MCCC2: variants seen among roughly 807,000 people sequenced by gnomAD.
MCCC2 encodes the protein methylcrotonoyl-CoA carboxylase beta chain, mitochondrial.
In MCCC2, 52 loss-of-function variants were observed where a neutral mutation model predicts 77.2. The observed-to-expected ratio is 0.67, with a 90% CI of 0.54 to 0.85. MCCC2 has a LOEUF of 0.85. Among genes scored for constraint, MCCC2 ranks in the 40% least tolerant of loss-of-function variants. The pLI, the probability that MCCC2 is intolerant of heterozygous loss-of-function variation, is 0.00. For missense variants in MCCC2, 682 were observed against 703.2 expected, an observed-to-expected ratio of 0.97 and a Z score of 0.34; for synonymous variants, 253 against 248.4, an observed-to-expected ratio of 1.02 and a Z score of -0.18.
chr5:71,606,044 C>A (rs888641352), intron 6 of MCCC2, among the ~76,000 whole-genome samples: 3 of 152,180 alleles, frequency 2.0e-5, no homozygotes, highest in African/African-American at 7.2e-5. Flanking sequence ...CTTAGGATTG[C>A]CTTGGCGATG....
chr5:71,592,733 A>G (rs1186222487), intron 1 of MCCC2, 193 bp from the exon 2 acceptor site: 3 of 631,672 alleles, frequency 4.7e-6, no homozygotes, highest in Admixed American at 5.6e-5. Context: ...AGCTTGAACA[A>G]GACAGGCAGG....
intron 6 of MCCC2, among the ~76,000 whole-genome samples, chr5:71,617,550 A>G (rs1185536724): frequency 6.6e-6 from 1 of 152,184 alleles, no homozygotes; most frequent in Non-Finnish European, 1.5e-5. Context: ...TTGTAATATG[A>G]TAGATATTGA....
intron 6 of MCCC2, among the ~76,000 whole-genome samples, chr5:71,618,495 TC>T (rs1396460819): frequency 2.9e-4 from 4 of 13,862 alleles, no homozygotes; most frequent in African/African-American, 7.6e-4. Flanking sequence ...CCTTCTTCCT[TC>T]CTTCCTTCCT....
intron 7 of MCCC2, among the ~76,000 whole-genome samples, chr5:71,629,589 A>G (rs1386854637): frequency 1.3e-5 from 2 of 152,202 alleles, no homozygotes; most frequent in South Asian, 4.1e-4. Flanking sequence ...AATATGTTAA[A>G]TAGAGCTTAT....
At chr5:71,613,517 T>A (rs887616084) in intron 6 of MCCC2, among the ~76,000 whole-genome samples, 2 of 152,186 alleles carry the variant, frequency 1.3e-5, no homozygotes, top group Non-Finnish European at 2.9e-5. Context: ...ATATTAGGGC[T>A]GGGCGTGGTG....
At chr5:71,587,904 C>T (rs1215261229) in intron 1 of MCCC2, among the ~76,000 whole-genome samples, 3 of 152,074 alleles carry the variant, frequency 2.0e-5, no homozygotes, top group African/African-American at 7.2e-5. Flanking sequence ...CTTTTGGCAG[C>T]CAGCTTTGGG....
At chr5:71,653,071 G>A (rs1006879163) in intron 16 of MCCC2, among the ~76,000 whole-genome samples, 16 of 152,198 alleles carry the variant, frequency 1.1e-4, no homozygotes, top group African/African-American at 3.4e-4. Context: ...GTTAGGAGCC[G>A]AGAATAAGTT....
intron 3 of MCCC2, among the ~76,000 whole-genome samples, chr5:71,598,076 T>C (rs1036558841): frequency 3.1e-4 from 46 of 148,690 alleles, no homozygotes; most frequent in Middle Eastern, 3.5e-3. Flanking sequence ...TGTTTCTTTT[T>C]TTTTTTTTTT....
chr5:71,650,035 C>A, intron 14 of MCCC2, 34 bp from the exon 15 acceptor site: 1 of 1,537,202 alleles, frequency 6.5e-7, no homozygotes, highest in Non-Finnish European at 9.0e-7. Context: ...TGTATATTGA[C>A]TTAATTTGTT....
At position 71,658,275 on chromosome 5, in the gene MCCC2, G is replaced by A. The variant is rs1747635991; in HGVS notation, c.*1415G>A. Reference sequence around the variant, plus strand: ...AACCTTCCCACCTTAGGGTCTATAAGGTTCCCTCTGCCCAAATTGTTCTAC... The same window carrying A: ...AACCTTCCCACCTTAGGGTCTATAAAGTTCCCTCTGCCCAAATTGTTCTAC... On this transcript the variant is annotated 3_prime_UTR_variant, in exon 17 of 17. Transcript: ENST00000340941. The A allele has an allele frequency of 6.6e-6, 1 of 152,108 alleles. No homozygotes were observed. Among genetic ancestry groups the A allele is most frequent in the Non-Finnish European group, 1.5e-5 (1 of 68,036 alleles). 9.4% of individuals were successfully genotyped at this position (152,108 alleles called of 1,614,324 possible).
chr5:71,640,893 A>G, intron 10 of MCCC2, 110 bp from the exon 11 acceptor site: 1 of 918,346 alleles, frequency 1.1e-6, no homozygotes, highest in Admixed American at 1.9e-5. Context: ...GTAGTGTGAA[A>G]TTTTGTGAAA....
chr5:71,647,677 T>G lies in MCCC2; in HGVS notation c.1216+1400T>G, dbSNP rs570033498. Among the ~76,000 whole-genome samples the G allele has an allele frequency of 2.6e-5, 4 of 152,282 alleles. No homozygotes were observed. The South Asian group carries it at 8.3e-4, about 32-fold the overall frequency. ...ACAGGAGAGGTGTTTTAGGTAGAGA[T>G]GCAAATGTAGACATCATCAGAATAT... On this transcript the variant is annotated intron_variant, in intron 13 of 16. Transcript: ENST00000340941.
At chr5:71,604,649 T>A (rs1745595378) in intron 6 of MCCC2, among the ~76,000 whole-genome samples, 181 bp downstream of exon 6, 1 of 152,028 alleles carries the variant, frequency 6.6e-6, no homozygotes, top group Admixed American at 6.6e-5. Flanking sequence ...GTTACATACG[T>A]ACACATGTGC....
At chr5:71,642,954 G>C (rs277938) in intron 11 of MCCC2, among the ~76,000 whole-genome samples, 51,121 of 147,612 alleles carry the variant, frequency 0.35, 10,828 homozygotes, top group Non-Finnish European at 0.46. Context: ...AGTGAGCCAT[G>C]ATCTCGCCAT....
At chr5:71,623,999 G>A (rs115962876) in intron 6 of MCCC2, among the ~76,000 whole-genome samples, 231 of 152,320 alleles carry the variant, frequency 1.5e-3, no homozygotes, top group African/African-American at 5.3e-3. Context: ...ATAGACTACT[G>A]GGTGTCTTAA....
At chr5:71,644,064 TGTGTGTGC>T (rs951883762) in intron 12 of MCCC2, among the ~76,000 whole-genome samples, 169 bp downstream of exon 12, 38 of 139,764 alleles carry the variant, frequency 2.7e-4, no homozygotes, top group South Asian at 1.1e-3. Flanking sequence ...TGTGTGTGTG[TGTGTGTGC>T]GCGCGTGTGT....
At position 71,650,209 on chromosome 5, in the gene MCCC2, C is replaced by G. The variant is rs772450631; in HGVS notation, c.1488+26C>G. On this transcript the variant is annotated intron_variant, in intron 15 of 16. Transcript: ENST00000340941. ...GTCGGTGTCGTTTTCTCTTGTTTCT[C>G]TCTGGTTTTGCCTCTCACCATAAAC... 7.5e-6 allele frequency: 12 copies of G among 1,603,138 alleles called. No homozygotes were observed. In the South Asian group the frequency reaches 9.9e-5, roughly 13 times the overall value.
At chr5:71,588,675 A>G (rs467160) in intron 1 of MCCC2, among the ~76,000 whole-genome samples, 1 of 151,984 alleles carries the variant, frequency 6.6e-6, no homozygotes, top group South Asian at 2.1e-4. Flanking sequence ...ACCGATAGGA[A>G]GTAATGGGTG....
intron 3 of MCCC2, among the ~76,000 whole-genome samples, chr5:71,596,791 T>A (rs1428550887): frequency 6.6e-6 from 1 of 151,902 alleles, no homozygotes; most frequent in Non-Finnish European, 1.5e-5. Context: ...ATACAAAAAA[T>A]TAGCTGGGCA....
Sources: allele counts gnomAD v4.1 joint callset (sites outside exome capture counted in the v4.1 genomes callset), GRCh38; gene constraint gnomAD v4.1.1; transcripts MANE v1.5; gene names NCBI Gene and HGNC (gene_info 2026-07-23, HGNC 2026-07-21).